The following NT5DC1 variants were observed in gnomAD, a reference collection of about 807,000 sequenced individuals.
The protein encoded by NT5DC1 is 5'-nucleotidase domain-containing protein 1.
Under a neutral mutation model 59.4 loss-of-function variants are expected in NT5DC1, and 42 were observed. The observed-to-expected ratio is 0.71, with a 90% CI of 0.55 to 0.92. The LOEUF is 0.92. NT5DC1 is among the 40% of genes least tolerant of loss of function. The probability of loss-of-function intolerance (pLI) is 0.00; values close to 1 mark genes in which losing one functional copy is unlikely to be tolerated. For synonymous variants in NT5DC1, 172 were observed against 188.1 expected, an observed-to-expected ratio of 0.91 and a Z score of 0.70; for missense variants, 501 against 537.1, an observed-to-expected ratio of 0.93 and a Z score of 0.66.
At chr6:116,102,791 G>C (rs771600038) in intron 1 of NT5DC1, among the ~76,000 whole-genome samples, 2 of 152,178 alleles carry the variant, frequency 1.3e-5, no homozygotes, top group Non-Finnish European at 2.9e-5. Flanking sequence ...AGATCAACAC[G>C]CAGGCCTCCA....
intron 6 of NT5DC1, chr6:116,120,496 A>C: frequency 6.2e-7 from 1 of 1,614,236 alleles, no homozygotes. Flanking sequence ...GGTTGGCACT[A>C]ACAAGAGGGG....
chr6:116,231,938 G>C (rs1276210921), intron 8 of NT5DC1, among the ~76,000 whole-genome samples: 1 of 152,122 alleles, frequency 6.6e-6, no homozygotes, highest in Non-Finnish European at 1.5e-5. Context: ...AGTTTGCTAG[G>C]GCTGCCGTAA....
intron 4 of NT5DC1, among the ~76,000 whole-genome samples, chr6:116,114,479 A>G (rs1362539078): frequency 6.9e-6 from 1 of 143,924 alleles, no homozygotes; most frequent in Non-Finnish European, 1.5e-5. Context: ...AGTCAACGCT[A>G]AAGAACAAGA....
In NT5DC1 at chr6:116,187,600, C is replaced by CA. The variant is rs1781029183; in HGVS notation, c.530-33453dup. ...CACATGCTTGATGACAGAACAGGTA[C>CA]AGCAGAGCAGTGGGGAAAGGACTGT... On this transcript the variant is annotated intron_variant, in intron 6 of 11. Coordinates refer to ENST00000319550, the MANE Select transcript of NT5DC1 (RefSeq NM_152729.3). Among the ~76,000 whole-genome samples, 3 of 152,044 alleles carry CA rather than the reference C, an allele frequency of 2.0e-5. No individual in the cohort carries two copies. The South Asian group carries it at 6.2e-4, about 31-fold the overall frequency.
intron 6 of NT5DC1, among the ~76,000 whole-genome samples, chr6:116,192,194 TTAAC>T (rs1482836606): frequency 6.6e-6 from 1 of 152,002 alleles, no homozygotes; most frequent in African/African-American, 2.4e-5. Flanking sequence ...TGCCAGTTAA[TTAAC>T]CTCTGTAAGT....
intron 8 of NT5DC1, among the ~76,000 whole-genome samples, chr6:116,232,568 A>G (rs578231546): frequency 6.6e-6 from 1 of 152,210 alleles, no homozygotes; most frequent in Admixed American, 6.5e-5. Flanking sequence ...TTAATAAAGT[A>G]GTGACACCAA....
At chr6:116,159,521 G>C (rs577416385) in intron 6 of NT5DC1, among the ~76,000 whole-genome samples, 1 of 152,260 alleles carries the variant, frequency 6.6e-6, no homozygotes, top group Admixed American at 6.5e-5. Flanking sequence ...CGGGTATTCT[G>C]GATGTCATGT....
chr6:116,148,586 A>C (rs754891637), intron 6 of NT5DC1, among the ~76,000 whole-genome samples: 1 of 152,192 alleles, frequency 6.6e-6, no homozygotes, highest in Non-Finnish European at 1.5e-5. Context: ...TATTACTATG[A>C]TAACAGTTTA....
At chr6:116,215,228 C>T (rs1475026910) in intron 6 of NT5DC1, among the ~76,000 whole-genome samples, 1 of 152,108 alleles carries the variant, frequency 6.6e-6, no homozygotes, top group Non-Finnish European at 1.5e-5. Flanking sequence ...ATGCTTCTTA[C>T]CCAGCTTTCT....
intron 6 of NT5DC1, among the ~76,000 whole-genome samples, chr6:116,170,933 C>T (rs1337936104): frequency 6.6e-6 from 1 of 152,186 alleles, no homozygotes; most frequent in African/African-American, 2.4e-5. Flanking sequence ...TGACATCTAG[C>T]CTGTCAAACC....
chr6:116,216,102 GTA>G (rs1486091491), intron 6 of NT5DC1, among the ~76,000 whole-genome samples: 1 of 151,928 alleles, frequency 6.6e-6, no homozygotes, highest in Non-Finnish European at 1.5e-5. Flanking sequence ...TGCTTAATTG[GTA>G]TAGTGTAAGA....
intron 6 of NT5DC1, among the ~76,000 whole-genome samples, chr6:116,199,615 G>A (rs1781305612): frequency 6.6e-6 from 1 of 152,050 alleles, no homozygotes; most frequent in South Asian, 2.1e-4. Flanking sequence ...CCTGGGGCAG[G>A]AAATATACAA....
At chr6:116,202,980 A>G (rs1402237830) in intron 6 of NT5DC1, among the ~76,000 whole-genome samples, 2 of 151,982 alleles carry the variant, frequency 1.3e-5, no homozygotes, top group African/African-American at 2.4e-5. Flanking sequence ...TTACTTTTCC[A>G]AACATGGTTT....
At chr6:116,194,340 C>G (rs1348334566) in intron 6 of NT5DC1, among the ~76,000 whole-genome samples, 1 of 151,976 alleles carries the variant, frequency 6.6e-6, no homozygotes, top group African/African-American at 2.4e-5. Context: ...ATATTCATAA[C>G]AGAGTAAACA....
chr6:116,106,834 G>T (rs751632592), intron 2 of NT5DC1, among the ~76,000 whole-genome samples: 11 of 152,098 alleles, frequency 7.2e-5, no homozygotes, highest in Non-Finnish European at 1.5e-4. Context: ...CCAAAGCTTC[G>T]TTTGTCTTCC....
chr6:116,149,823 C>T (rs145197570), intron 6 of NT5DC1, among the ~76,000 whole-genome samples: 48 of 152,292 alleles, frequency 3.2e-4, no homozygotes, highest in African/African-American at 1.1e-3. Flanking sequence ...TAATGAGTCT[C>T]CCTTCTTTAG....
At chr6:116,147,364 C>T (rs1242498590) in intron 6 of NT5DC1, among the ~76,000 whole-genome samples, 1 of 151,906 alleles carries the variant, frequency 6.6e-6, no homozygotes, top group East Asian at 1.9e-4. Flanking sequence ...ATTGCTTGAA[C>T]CCGGGAGGCA....
At chr6:116,181,680 T>C (rs539202112) in intron 6 of NT5DC1, among the ~76,000 whole-genome samples, 297 of 152,104 alleles carry the variant, frequency 2.0e-3, no homozygotes, top group African/African-American at 6.6e-3. Flanking sequence ...TGCAAGTACC[T>C]AGGGATAAAT....
Position 116,195,034 on chromosome 6 carries a change from C to T in NT5DC1, c.530-26020C>T, listed in dbSNP as rs558533277. 1.1e-4 allele frequency among the ~76,000 whole-genome samples: 17 copies of T among 152,142 alleles called. No homozygotes were observed. In the East Asian group the frequency reaches 1.4e-3, roughly 12 times the overall value. ...CACCTTCCTGCCATCCATACTCTAC[C>T]GCTCTCTCTATATTCTGCTTTGACT... On this transcript the variant is annotated intron_variant, in intron 6 of 11. Transcript: ENST00000319550.
Sources: allele counts gnomAD v4.1 joint callset (sites outside exome capture counted in the v4.1 genomes callset), GRCh38; gene constraint gnomAD v4.1.1; transcripts MANE v1.5; gene names NCBI Gene and HGNC (gene_info 2026-07-23, HGNC 2026-07-21).